MYO3A: variants seen among roughly 807,000 people sequenced by gnomAD.
The protein encoded by MYO3A is myosin IIIA.
MYO3A carries 180 observed loss-of-function variants against 192.7 expected under a neutral mutation model. The observed-to-expected ratio is 0.93, with a 90% CI of 0.83 to 1.06. The LOEUF (loss-of-function observed/expected upper bound fraction) is 1.06. MYO3A is among the 50% of genes least tolerant of loss of function. The probability of loss-of-function intolerance (pLI) is 0.00; values close to 1 mark genes in which losing one functional copy is unlikely to be tolerated. For synonymous variants in MYO3A, 628 were observed against 645.3 expected (o/e 0.97, Z 0.41); for missense variants, 1,896 against 1,905.0 (o/e 1.00, Z 0.09).
At chr10:26,206,194 G>A (rs1843929795) in intron 34 of MYO3A, among the ~76,000 whole-genome samples, 1 of 151,546 alleles carries the variant, frequency 6.6e-6, no homozygotes, top group African/African-American at 2.4e-5. Context: ...CAGAGTAACT[G>A]GGATTACAGG....
At chr10:26,096,303 C>T (rs1014867096) in intron 15 of MYO3A, 78 bp from the exon 16 acceptor site, 3 of 1,111,358 alleles carry the variant, frequency 2.7e-6, no homozygotes, top group South Asian at 2.7e-5. Context: ...AGTCGTTGTT[C>T]AAATAATTAT....
chr10:26,164,095 A>G (rs899643876), intron 26 of MYO3A, among the ~76,000 whole-genome samples: 1 of 152,156 alleles, frequency 6.6e-6, no homozygotes, highest in Non-Finnish European at 1.5e-5. Flanking sequence ...CCTTGTTGCT[A>G]TGTGATTAAA....
chr10:26,028,436 A>G (rs1842657875), intron 10 of MYO3A, among the ~76,000 whole-genome samples: 2 of 152,226 alleles, frequency 1.3e-5, no homozygotes, highest in South Asian at 4.1e-4. Context: ...GGAAGAATTA[A>G]GTGACAAAAG....
intron 10 of MYO3A, among the ~76,000 whole-genome samples, chr10:26,027,146 C>G (rs1842592685): frequency 6.6e-6 from 1 of 152,096 alleles, no homozygotes; most frequent in East Asian, 1.9e-4. Context: ...GACCTTTTGA[C>G]ACTATTATTT....
intron 34 of MYO3A, among the ~76,000 whole-genome samples, chr10:26,210,383 C>G (rs1206475114): frequency 6.6e-6 from 1 of 152,194 alleles, no homozygotes; most frequent in African/African-American, 2.4e-5. Flanking sequence ...AGTTTTTAAG[C>G]CAAAAGCCTT....
At chr10:26,091,368 A>G (rs906486958) in intron 15 of MYO3A, among the ~76,000 whole-genome samples, 2 of 152,208 alleles carry the variant, frequency 1.3e-5, no homozygotes, top group Non-Finnish European at 2.9e-5. Context: ...TTTTCTAAAC[A>G]TAGATAGTTT....
intron 2 of MYO3A, among the ~76,000 whole-genome samples, chr10:25,941,042 G>A (rs1836455976): frequency 6.6e-6 from 1 of 152,090 alleles, no homozygotes; most frequent in Non-Finnish European, 1.5e-5. Context: ...ATTTGTATTA[G>A]GCTGAATCAG....
intron 12 of MYO3A, 61 bp from the exon 13 acceptor site, chr10:26,070,050 A>G: frequency 8.1e-7 from 1 of 1,230,464 alleles, no homozygotes; most frequent in Non-Finnish European, 1.2e-6. Context: ...ATATTTGTAA[A>G]TAATTCAGGA....
At chr10:26,006,890 C>T (rs1480252401) in intron 6 of MYO3A, among the ~76,000 whole-genome samples, 2 of 151,154 alleles carry the variant, frequency 1.3e-5, no homozygotes, top group Non-Finnish European at 2.9e-5. Flanking sequence ...ATGAGGCCAG[C>T]ATCATCCTGA....
intron 10 of MYO3A, among the ~76,000 whole-genome samples, chr10:26,034,870 T>A (rs1233295416): frequency 2.0e-5 from 3 of 151,116 alleles, no homozygotes; most frequent in Non-Finnish European, 4.4e-5. Context: ...TGGTGTATAT[T>A]TAATATATGT....
chr10:26,003,743 T>C (rs181665799), intron 6 of MYO3A, among the ~76,000 whole-genome samples: 2 of 152,208 alleles, frequency 1.3e-5, no homozygotes, highest in African/African-American at 4.8e-5. Context: ...TTAGTTCTTA[T>C]TTCTGCGGAT....
intron 23 of MYO3A, among the ~76,000 whole-genome samples, chr10:26,152,008 G>A (rs1194240231): frequency 6.6e-6 from 1 of 152,184 alleles, no homozygotes; most frequent in Non-Finnish European, 1.5e-5. Context: ...TTTAACAATT[G>A]CCATCCCTTT....
intron 2 of MYO3A, among the ~76,000 whole-genome samples, chr10:25,944,050 T>A (rs1484966529): frequency 6.6e-6 from 1 of 151,948 alleles, no homozygotes; most frequent in Non-Finnish European, 1.5e-5. Context: ...TTATAAATGG[T>A]TATTATGTCA....
At chr10:25,983,820 A>C (rs960440887) in intron 4 of MYO3A, among the ~76,000 whole-genome samples, 7 of 152,230 alleles carry the variant, frequency 4.6e-5, no homozygotes, top group African/African-American at 1.4e-4. Flanking sequence ...CAGGTTATCT[A>C]AAGTCAAGAC....
At chr10:26,181,772 C>CAA (rs754705543) in intron 31 of MYO3A, among the ~76,000 whole-genome samples, 9 of 90,354 alleles carry the variant, frequency 1.0e-4, no homozygotes, top group Middle Eastern at 6.6e-3. Context: ...GCAATATGTC[C>CAA]AAAAAAAAAA....
At chr10:26,102,887 C>A (rs1003660424) in intron 17 of MYO3A, among the ~76,000 whole-genome samples, 1 of 152,232 alleles carries the variant, frequency 6.6e-6, no homozygotes, top group African/African-American at 2.4e-5. Flanking sequence ...ATTCTCAGAT[C>A]TCAAACTCCG....
intron 4 of MYO3A, among the ~76,000 whole-genome samples, chr10:25,991,356 G>A (rs1023074395): frequency 6.6e-6 from 1 of 152,054 alleles, no homozygotes; most frequent in Non-Finnish European, 1.5e-5. Context: ...TTGTTGATGG[G>A]GTTGTTTGTT....
At chr10:25,947,479 C>T (rs967355090) in intron 2 of MYO3A, among the ~76,000 whole-genome samples, 16 of 150,090 alleles carry the variant, frequency 1.1e-4, no homozygotes, top group Admixed American at 3.3e-4. Flanking sequence ...CTGCAACCTC[C>T]GCCTCCCGGG....
chr10:26,129,552 A>G (rs2131756080), intron 20 of MYO3A, among the ~76,000 whole-genome samples: 1 of 152,298 alleles, frequency 6.6e-6, no homozygotes, highest in Non-Finnish European at 1.5e-5. Flanking sequence ...TCTCTGTAGC[A>G]TGGTCCTCTC....
Sources: allele counts gnomAD v4.1 joint callset (sites outside exome capture counted in the v4.1 genomes callset), GRCh38; gene constraint gnomAD v4.1.1; transcripts MANE v1.5; gene names NCBI Gene and HGNC (gene_info 2026-07-23, HGNC 2026-07-21).